The following PDE8B variants were observed in gnomAD, a reference collection of about 807,000 sequenced individuals.
PDE8B encodes the protein high affinity cAMP-specific and IBMX-insensitive 3',5'-cyclic phosphodiesterase 8B.
In PDE8B, 26 loss-of-function variants were observed where a neutral mutation model predicts 101.3. The observed-to-expected ratio is 0.26, with a 90% confidence interval of 0.19 to 0.36. The LOEUF (loss-of-function observed/expected upper bound fraction) is 0.36. PDE8B is among the 10% of genes least tolerant of loss of function. The pLI is 1.00. For missense variants in PDE8B, 810 were observed against 1,163.1 expected, an observed-to-expected ratio of 0.70 and a Z score of 4.42; for synonymous variants, 424 against 429.3, an observed-to-expected ratio of 0.99 and a Z score of 0.15.
intron 1 of PDE8B, among the ~76,000 whole-genome samples, chr5:77,300,748 G>C (rs933963532): frequency 1.3e-5 from 2 of 152,162 alleles, no homozygotes; most frequent in Admixed American, 1.3e-4. Flanking sequence ...CCGGTCTCAG[G>C]CTTCTGGTGT....
the PDE8B span, among the ~76,000 whole-genome samples, chr5:77,090,665 C>CT: frequency 4.6e-5 from 7 of 152,150 alleles, no homozygotes; most frequent in South Asian, 1.0e-3. Context: ...CTGTGTCTGG[C>CT]TTATTTCACT....
At chr5:77,312,563 A>G (rs931046660) in intron 2 of PDE8B, among the ~76,000 whole-genome samples, 3 of 152,242 alleles carry the variant, frequency 2.0e-5, no homozygotes, top group Non-Finnish European at 4.4e-5. Context: ...AAGCAATGAA[A>G]TGGTGAAGGG....
chr5:77,347,065 C>T (rs1030620324), intron 7 of PDE8B, among the ~76,000 whole-genome samples: 2 of 152,158 alleles, frequency 1.3e-5, no homozygotes, highest in African/African-American at 4.8e-5. Context: ...TGTTATCTAT[C>T]CACCCATCCA....
At chr5:77,385,430 T>A (rs1414097587) in intron 10 of PDE8B, among the ~76,000 whole-genome samples, 1 of 139,406 alleles carries the variant, frequency 7.2e-6, no homozygotes, top group African/African-American at 2.6e-5. Context: ...CTGGATTCAT[T>A]GATTTTTTTT....
chr5:77,262,745 G>A (rs1760892251), intron 1 of PDE8B, among the ~76,000 whole-genome samples: 1 of 152,172 alleles, frequency 6.6e-6, no homozygotes, highest in Non-Finnish European at 1.5e-5. Flanking sequence ...ATTATGACAG[G>A]TCCTACCAAG....
the PDE8B span, among the ~76,000 whole-genome samples, chr5:77,178,457 G>A: frequency 6.6e-6 from 1 of 152,020 alleles, no homozygotes. Context: ...TTGCTGTTCT[G>A]CTTTTCCTTG....
intron 11 of PDE8B, among the ~76,000 whole-genome samples, chr5:77,403,064 C>T (rs1792642350): frequency 1.3e-5 from 2 of 152,294 alleles, no homozygotes; most frequent in South Asian, 4.1e-4. Context: ...GGTTAAATTT[C>T]TCTACTCGCT....
the PDE8B span, chr5:77,147,192 T>G: frequency 1.0e-4 from 34 of 326,572 alleles, no homozygotes; most frequent in South Asian, 9.9e-4. Flanking sequence ...GTTTTTTTTC[T>G]TGTCTAGAAA....
the PDE8B span, among the ~76,000 whole-genome samples, chr5:77,121,408 C>T: frequency 6.6e-6 from 1 of 152,064 alleles, no homozygotes; most frequent in African/African-American, 2.4e-5. Context: ...CTTTTATGAC[C>T]TGGTTTTGGA....
chr5:77,104,023 C>A, the PDE8B span, among the ~76,000 whole-genome samples: 1 of 152,230 alleles, frequency 6.6e-6, no homozygotes, highest in African/African-American at 2.4e-5. Flanking sequence ...TTGCACCCTT[C>A]TTCCCCTTCC....
At chr5:77,115,743 G>C in the PDE8B span, among the ~76,000 whole-genome samples, 10 of 152,190 alleles carry the variant, frequency 6.6e-5, no homozygotes, top group Non-Finnish European at 1.5e-4. Flanking sequence ...GCCACGAGTC[G>C]GCCGTTGCCA....
At chr5:77,388,856 G>T (rs935902620) in intron 10 of PDE8B, among the ~76,000 whole-genome samples, 1 of 152,166 alleles carries the variant, frequency 6.6e-6, no homozygotes, top group Non-Finnish European at 1.5e-5. Flanking sequence ...CTTCCTGGTG[G>T]CTTTGTTTAC....
intron 11 of PDE8B, among the ~76,000 whole-genome samples, chr5:77,402,398 G>A (rs1287619810): frequency 6.6e-6 from 1 of 152,100 alleles, no homozygotes; most frequent in African/African-American, 2.4e-5. Flanking sequence ...TAGCTATGGT[G>A]TTCAGATTAA....
chr5:77,228,603 T>G (rs1333231589), intron 1 of PDE8B, among the ~76,000 whole-genome samples: 1 of 151,916 alleles, frequency 6.6e-6, no homozygotes, highest in Non-Finnish European at 1.5e-5. Context: ...TGAGCAAACA[T>G]TGAGGGGGTA....
At chr5:77,098,041 CA>C in the PDE8B span, among the ~76,000 whole-genome samples, 33,484 of 151,604 alleles carry the variant, frequency 0.22, 4,484 homozygotes, top group Admixed American at 0.34. Context: ...ATGGCTAAGA[CA>C]AGGCCTAGGA....
chr5:77,144,020 C>T, the PDE8B span: 1 of 152,126 alleles, frequency 6.6e-6, no homozygotes, highest in East Asian at 1.9e-4. Context: ...GTAAAGCAAA[C>T]GTGAAGTTGC....
intron 2 of PDE8B, among the ~76,000 whole-genome samples, chr5:77,323,335 A>T (rs897764514): frequency 6.6e-6 from 1 of 152,300 alleles, no homozygotes; most frequent in South Asian, 2.1e-4. Flanking sequence ...AGAAGTTCAG[A>T]CCCTAGCCAG....
At chr5:77,099,635 G>A in the PDE8B span, among the ~76,000 whole-genome samples, 18 of 151,436 alleles carry the variant, frequency 1.2e-4, no homozygotes, top group East Asian at 1.9e-3. Context: ...TTTGTGAGAC[G>A]GAGTCTTACT....
At chr5:77,298,444 A>T (rs755124812) in intron 1 of PDE8B, among the ~76,000 whole-genome samples, 1 of 152,190 alleles carries the variant, frequency 6.6e-6, no homozygotes, top group Non-Finnish European at 1.5e-5. Context: ...AACCTTGACC[A>T]CTAAGGTCAA....
Sources: allele counts gnomAD v4.1 joint callset (sites outside exome capture counted in the v4.1 genomes callset), GRCh38; gene constraint gnomAD v4.1.1; transcripts MANE v1.5; gene names NCBI Gene and HGNC (gene_info 2026-07-23, HGNC 2026-07-21).